The following SPOCK3 variants were observed in gnomAD, a reference collection of about 807,000 sequenced individuals.
The protein encoded by SPOCK3 is SPARC (osteonectin), cwcv and kazal like domains proteoglycan 3, also known as testican-3.
A neutral mutation model predicts 56.6 loss-of-function variants in SPOCK3; 30 were observed. That is an observed-to-expected ratio of 0.53 (90% confidence interval 0.40 to 0.72). SPOCK3 has a LOEUF of 0.72. SPOCK3 is among the 30% of genes least tolerant of loss of function. The pLI is 0.00. For missense variants in SPOCK3, 527 were observed against 530.0 expected (o/e 0.99, Z 0.06); for synonymous variants, 196 against 183.3 (o/e 1.07, Z -0.56).
intron 2 of SPOCK3, among the ~76,000 whole-genome samples, chr4:167,078,673 G>A (rs1431240229): frequency 1.3e-5 from 2 of 151,310 alleles, no homozygotes; most frequent in African/African-American, 4.9e-5. Context: ...TATGATGCAG[G>A]TATCATCCTT....
At chr4:167,158,987 A>C (rs1765051264) in intron 2 of SPOCK3, among the ~76,000 whole-genome samples, 1 of 152,144 alleles carries the variant, frequency 6.6e-6, no homozygotes, top group Middle Eastern at 3.4e-3. Context: ...TTAGAACAAA[A>C]ATTTCAAAAG....
chr4:167,086,228 T>C (rs762972364), intron 2 of SPOCK3, among the ~76,000 whole-genome samples: 16 of 152,114 alleles, frequency 1.1e-4, no homozygotes, highest in Non-Finnish European at 1.6e-4. Context: ...ACTATAATAG[T>C]TCATCAGAAG....
At chr4:166,992,160 G>T (rs1436867758) in intron 4 of SPOCK3, among the ~76,000 whole-genome samples, 2 of 152,090 alleles carry the variant, frequency 1.3e-5, no homozygotes, top group Non-Finnish European at 1.5e-5. Flanking sequence ...AGGTAAGTGT[G>T]TTTGTGTAAA....
At chr4:167,160,203 C>T (rs1765168191) in intron 2 of SPOCK3, among the ~76,000 whole-genome samples, 1 of 152,120 alleles carries the variant, frequency 6.6e-6, no homozygotes, top group Non-Finnish European at 1.5e-5. Flanking sequence ...TCTCAGGATA[C>T]AAAATCAATG....
In SPOCK3 at chr4:166,742,063, C is replaced by A. The variant is rs903032713; in HGVS notation, c.932-4G>T. 1.2e-6 allele frequency: 2 copies of A among 1,608,556 alleles called. No homozygotes were observed. Among genetic ancestry groups the A allele is most frequent in the Non-Finnish European group, 1.7e-6 (2 of 1,175,736 alleles). On this transcript the variant is annotated splice_polypyrimidine_tract_variant and splice_region_variant and intron_variant, in intron 8 of 10. Transcript: ENST00000357545. The stretch of plus-strand genomic sequence containing the variant: ...AGCTCAGTCTGGCAAGGTGGGTCTG[C>A]AATGACATTAAAAATGTTACTTCAA...
At chr4:167,219,640 A>G (rs899166082) in intron 2 of SPOCK3, among the ~76,000 whole-genome samples, 9 of 151,822 alleles carry the variant, frequency 5.9e-5, no homozygotes, top group African/African-American at 2.2e-4. Context: ...AGAACACTCA[A>G]CATAAAGATT....
chr4:167,212,504 G>C (rs1402078550), intron 2 of SPOCK3, among the ~76,000 whole-genome samples: 1 of 152,092 alleles, frequency 6.6e-6, no homozygotes, highest in Non-Finnish European at 1.5e-5. Context: ...GCCTCCCAAA[G>C]TGCTGGGATT....
At chr4:166,901,376 C>G (rs1246990991) in intron 5 of SPOCK3, among the ~76,000 whole-genome samples, 1 of 152,094 alleles carries the variant, frequency 6.6e-6, no homozygotes, top group Non-Finnish European at 1.5e-5. Flanking sequence ...CGATATAGGT[C>G]CCACCTGCAA....
At chr4:166,867,691 G>T (rs1005046414) in intron 6 of SPOCK3, among the ~76,000 whole-genome samples, 3 of 151,224 alleles carry the variant, frequency 2.0e-5, no homozygotes, top group Non-Finnish European at 4.4e-5. Flanking sequence ...CTCATATAAA[G>T]GTAATATAAA....
chr4:167,157,656 T>C (rs925837387), intron 2 of SPOCK3, among the ~76,000 whole-genome samples: 7 of 151,786 alleles, frequency 4.6e-5, no homozygotes, highest in African/African-American at 9.7e-5. Flanking sequence ...TTAAAACTTT[T>C]TTTTTAACTT....
chr4:167,071,260 C>T (rs1756648079), intron 2 of SPOCK3, among the ~76,000 whole-genome samples: 1 of 152,004 alleles, frequency 6.6e-6, no homozygotes, highest in Non-Finnish European at 1.5e-5. Flanking sequence ...TTTTATTATA[C>T]TTTAAGTTCT....
At chr4:167,091,803 C>G (rs1265848477) in intron 2 of SPOCK3, among the ~76,000 whole-genome samples, 1 of 152,046 alleles carries the variant, frequency 6.6e-6, no homozygotes, top group Non-Finnish European at 1.5e-5. Context: ...ATCCTTATGT[C>G]CTATGAACAA....
chr4:167,138,111 A>AC (rs1763264460), intron 2 of SPOCK3, among the ~76,000 whole-genome samples: 2 of 151,710 alleles, frequency 1.3e-5, no homozygotes, highest in Non-Finnish European at 3.0e-5. Flanking sequence ...TTAAAAAGTC[A>AC]CTTTTTATTG....
intron 2 of SPOCK3, among the ~76,000 whole-genome samples, chr4:167,067,311 T>C (rs1431551712): frequency 2.0e-5 from 3 of 151,896 alleles, no homozygotes; most frequent in Non-Finnish European, 4.4e-5. Flanking sequence ...TGAAGTCTAC[T>C]GAACACAATT....
chr4:166,877,454 G>A (rs537367333), intron 6 of SPOCK3, among the ~76,000 whole-genome samples: 39 of 152,098 alleles, frequency 2.6e-4, no homozygotes, highest in Non-Finnish European at 4.1e-4. Context: ...GAGCTCTCAC[G>A]TTCAGAAAAC....
chr4:166,844,730 A>C (rs941174627), intron 6 of SPOCK3, among the ~76,000 whole-genome samples: 2 of 152,218 alleles, frequency 1.3e-5, no homozygotes, highest in African/African-American at 2.4e-5. Flanking sequence ...CTCTATACAT[A>C]TCTATATCTA....
Position 166,942,701 on chromosome 4 carries a change from T to C in SPOCK3, c.351-29958A>G, listed in dbSNP as rs78506996. 2.9e-3 allele frequency among the ~76,000 whole-genome samples: 443 copies of C among 152,232 alleles called. 1 individual carries two copies. Among genetic ancestry groups the C allele is most frequent in the African/African-American group, 0.01 (431 of 41,554 alleles). On this transcript the variant is annotated intron_variant, in intron 4 of 10. Transcript: ENST00000357545. ...GGGGTAGAAAAGATTAGACTAAGAA[T>C]ACCCTATAGAATTTGGCATAACACT...
At chr4:166,887,521 A>C (rs1734325298) in intron 6 of SPOCK3, among the ~76,000 whole-genome samples, 1 of 152,134 alleles carries the variant, frequency 6.6e-6, no homozygotes, top group Non-Finnish European at 1.5e-5. Context: ...AGGCACAAAC[A>C]TCAAAGAATT....
At chr4:167,014,993 A>G (rs1750474155) in intron 3 of SPOCK3, among the ~76,000 whole-genome samples, 1 of 151,954 alleles carries the variant, frequency 6.6e-6, no homozygotes, top group Admixed American at 6.6e-5. Flanking sequence ...TTTGTAATAT[A>G]AGAATATTAA....
Sources: gnomAD v4.1 joint callset for allele counts (sites outside exome capture counted in the v4.1 genomes callset) on GRCh38, gnomAD v4.1.1 for gene constraint, MANE v1.5 for transcripts, NCBI Gene and HGNC (gene_info 2026-07-23, HGNC 2026-07-21) for gene names.